Variants in MOB1B observed in about 807,000 individuals in gnomAD.
MOB1B encodes MOB1 Mps One Binder homolog B.
MOB1B carries 19 observed loss-of-function variants against 24.4 expected under a neutral mutation model. That is an observed-to-expected ratio of 0.78 (90% CI 0.54 to 1.14). The LOEUF is 1.14. Among genes scored for constraint, MOB1B ranks in the 50% most tolerant of loss-of-function variants. The pLI is 0.00. For missense variants in MOB1B, 243 were observed against 259.6 expected, an observed-to-expected ratio of 0.94 and a Z score of 0.44; for synonymous variants, 76 against 82.1, an observed-to-expected ratio of 0.93 and a Z score of 0.40.
intron 1 of MOB1B, among the ~76,000 whole-genome samples, chr4:70,956,313 A>G (rs552724145): frequency 6.6e-6 from 1 of 152,238 alleles, no homozygotes; most frequent in South Asian, 2.1e-4. Context: ...TATTTTTTAG[A>G]GAGGGAGCCC....
At chr4:70,932,079 A>T (rs1467760023) in intron 1 of MOB1B, among the ~76,000 whole-genome samples, 1 of 152,160 alleles carries the variant, frequency 6.6e-6, no homozygotes, top group Non-Finnish European at 1.5e-5. Flanking sequence ...CAATATGTAG[A>T]TATAACTCAA....
intron 1 of MOB1B, among the ~76,000 whole-genome samples, chr4:70,911,331 AT>A (rs1266504576): frequency 3.3e-5 from 5 of 151,594 alleles, no homozygotes; most frequent in South Asian, 2.1e-4. Flanking sequence ...AGGTTATTTT[AT>A]TTTTTTCTTT....
At chr4:70,917,509 G>A (rs1736241074) in intron 1 of MOB1B, among the ~76,000 whole-genome samples, 1 of 152,146 alleles carries the variant, frequency 6.6e-6, no homozygotes, top group Non-Finnish European at 1.5e-5. Flanking sequence ...AGTTCCAAAA[G>A]TATGGAGAGA....
intron 5 of MOB1B, among the ~76,000 whole-genome samples, chr4:70,981,712 A>G (rs1318673681): frequency 6.6e-6 from 1 of 152,138 alleles, no homozygotes; most frequent in African/African-American, 2.4e-5. Context: ...CATTACATGA[A>G]GTAGTTAACA....
intron 1 of MOB1B, among the ~76,000 whole-genome samples, chr4:70,935,913 G>A (rs1375132689): frequency 6.8e-6 from 1 of 147,282 alleles, no homozygotes; most frequent in Non-Finnish European, 1.5e-5. Flanking sequence ...GTGCAGTGGC[G>A]GGATCTCGGC....
intron 3 of MOB1B, among the ~76,000 whole-genome samples, chr4:70,972,892 G>GC (rs1738818570): frequency 6.6e-6 from 1 of 152,044 alleles, no homozygotes; most frequent in African/African-American, 2.4e-5. Flanking sequence ...TCCTGCCTCA[G>GC]CCCCCCGAGT....
chr4:70,943,628 A>G (rs558184425), intron 1 of MOB1B, among the ~76,000 whole-genome samples: 1 of 152,332 alleles, frequency 6.6e-6, no homozygotes, highest in Admixed American at 6.5e-5. Flanking sequence ...AATAAGACAT[A>G]TGGGACCTGC....
chr4:70,920,022 A>G (rs1578351475), intron 1 of MOB1B, among the ~76,000 whole-genome samples: 1 of 152,216 alleles, frequency 6.6e-6, no homozygotes, highest in African/African-American at 2.4e-5. Flanking sequence ...AACATAATTT[A>G]ATTACATATT....
intron 1 of MOB1B, among the ~76,000 whole-genome samples, chr4:70,914,705 T>A (rs1368819575): frequency 6.6e-6 from 1 of 152,236 alleles, no homozygotes; most frequent in African/African-American, 2.4e-5. Context: ...CCTATGTTTT[T>A]CTTTGTTGTT....
At chr4:70,971,126 C>T (rs1578399469) in intron 3 of MOB1B, among the ~76,000 whole-genome samples, 1 of 152,308 alleles carries the variant, frequency 6.6e-6, no homozygotes, top group Admixed American at 6.5e-5. Context: ...GTTCTCTCCT[C>T]ACCCTGTTTG....
rs531386792 is a variant in MOB1B, at chr4:70,952,115, G to C, written c.15-6759G>C. Among the ~76,000 whole-genome samples, 5 of 152,166 alleles carry C rather than the reference G, an allele frequency of 3.3e-5. No individual in the cohort carries two copies. The East Asian group carries it at 9.6e-4, about 29-fold the overall frequency. ...CTAGGAATTTAACCTTCATACATGC[G>C]TACACACAAGGATGCTTACTGCAGT... On this transcript the variant is annotated intron_variant, in intron 1 of 5. Transcript: ENST00000309395.
chr4:70,924,304 T>A (rs1736566817), intron 1 of MOB1B, among the ~76,000 whole-genome samples: 1 of 152,210 alleles, frequency 6.6e-6, no homozygotes, highest in Non-Finnish European at 1.5e-5. Flanking sequence ...TATTTTCAAC[T>A]CTTAGGAATT....
chr4:70,936,062 G>A (rs1441838822), intron 1 of MOB1B, among the ~76,000 whole-genome samples: 4 of 151,894 alleles, frequency 2.6e-5, no homozygotes, highest in African/African-American at 7.2e-5. Flanking sequence ...CGTTTTAGCT[G>A]GGATGGTCTC....
chr4:70,917,465 G>T (rs557330451), intron 1 of MOB1B, among the ~76,000 whole-genome samples: 1 of 152,224 alleles, frequency 6.6e-6, no homozygotes, highest in South Asian at 2.1e-4. Flanking sequence ...AATTTCCTTG[G>T]TTAGCTTTAC....
chr4:70,947,179 G>A (rs955161152), intron 1 of MOB1B, among the ~76,000 whole-genome samples: 1 of 152,216 alleles, frequency 6.6e-6, no homozygotes, highest in Non-Finnish European at 1.5e-5. Context: ...AAAAATTGGG[G>A]ATGATATCAC....
intron 2 of MOB1B, among the ~76,000 whole-genome samples, chr4:70,968,374 C>T (rs569720465): frequency 1.3e-5 from 2 of 152,128 alleles, no homozygotes; most frequent in South Asian, 2.1e-4. Flanking sequence ...TGTGATGGCA[C>T]GATCTCGGGT....
At position 70,959,052 on chromosome 4, in the gene MOB1B, TTTTA is replaced by T. The variant is rs1473475816; in HGVS notation, c.181+16_181+19del. 1.2e-6 allele frequency: 2 copies of T among 1,612,082 alleles called. No individual in the cohort carries two copies. The highest frequency in any genetic ancestry group is 1.7e-6 in the Non-Finnish European group (2 of 1,178,752). ...GGTTGCAGTTAACAGTAAGTAGCCT[TTTTA>T]TTTCTCAGTAGCCTGTGAATTAGGG... On this transcript the variant is annotated intron_variant, in intron 2 of 5. Transcript: ENST00000309395.
At chr4:70,943,462 A>C (rs1444131821) in intron 1 of MOB1B, among the ~76,000 whole-genome samples, 1 of 152,202 alleles carries the variant, frequency 6.6e-6, no homozygotes, top group East Asian at 1.9e-4. Flanking sequence ...CACTTACCCC[A>C]CAATGATGAA....
chr4:70,932,429 G>A (rs1241508042), intron 1 of MOB1B, among the ~76,000 whole-genome samples: 1 of 152,082 alleles, frequency 6.6e-6, no homozygotes, highest in Non-Finnish European at 1.5e-5. Context: ...ACATGAAGTA[G>A]GTAATGCCTG....
Sources: allele counts gnomAD v4.1 joint callset (sites outside exome capture counted in the v4.1 genomes callset), GRCh38; gene constraint gnomAD v4.1.1; transcripts MANE v1.5; gene names NCBI Gene and HGNC (gene_info 2026-07-23, HGNC 2026-07-21).